VOPP1: variants seen among roughly 807,000 people sequenced by gnomAD.
VOPP1 encodes VOPP1 WW domain binding protein, also known as WW domain binding protein VOPP1.
A neutral mutation model predicts 23.5 loss-of-function variants in VOPP1; 8 were observed. The ratio of observed to expected loss-of-function variants is 0.34; its 90% CI spans 0.20 to 0.61. The LOEUF is 0.61. VOPP1 is among the 20% of genes least tolerant of loss of function. VOPP1 has a pLI of 0.78. For synonymous variants in VOPP1, 83 were observed against 97.3 expected, an observed-to-expected ratio of 0.85 and a Z score of 0.86; for missense variants, 174 against 238.1, an observed-to-expected ratio of 0.73 and a Z score of 1.77.
At chr7:55,462,070 T>C (rs1483017929) in intron 4 of VOPP1, among the ~76,000 whole-genome samples, 1 of 152,222 alleles carries the variant, frequency 6.6e-6, no homozygotes, top group Admixed American at 6.5e-5. Flanking sequence ...GGAAAGACTT[T>C]ATTACTCTTT....
chr7:55,475,472 C>A (rs1792169696), intron 4 of VOPP1, among the ~76,000 whole-genome samples: 1 of 152,142 alleles, frequency 6.6e-6, no homozygotes, highest in Admixed American at 6.5e-5. Flanking sequence ...AACAGGAGAA[C>A]TGACCAAAAG....
chr7:55,442,309 T>C (rs1157105200), intron 4 of VOPP1, among the ~76,000 whole-genome samples: 1 of 152,056 alleles, frequency 6.6e-6, no homozygotes, highest in African/African-American at 2.4e-5. Context: ...TAATCTACAT[T>C]CTCCGAAGGG....
chr7:55,493,985 A>T (rs1353380616), intron 3 of VOPP1, among the ~76,000 whole-genome samples: 1 of 152,122 alleles, frequency 6.6e-6, no homozygotes. Flanking sequence ...CTGAAGAATG[A>T]GAAGAGACAA....
chr7:55,557,489 C>A (rs1050240381), intron 1 of VOPP1, among the ~76,000 whole-genome samples: 32 of 151,354 alleles, frequency 2.1e-4, no homozygotes, highest in Non-Finnish European at 3.4e-4. Flanking sequence ...CTTAAAAAAA[C>A]CCCATATGCT....
rs776680022 is a variant in VOPP1, at chr7:55,472,893, G to A, written c.481C>T (p.Pro161Ser). Residue 161 changes from proline to serine, a missense_variant, in exon 5 of 5, where the codon CCT (proline) becomes TCT (serine). By Grantham distance (74) the Pro-to-Ser change is moderately conservative. Coordinates refer to ENST00000285279, the MANE Select transcript of VOPP1 (RefSeq NM_030796.5). ...ACTACCTGTTCGTACGGGGGCGGAG[G>A]CGTGTTGCAGTAGGCTGGAGGGGGC... ...CPPPPAYCNTPPPPYEQVVKA... is the reference protein window; with the variant it reads ...CPPPPAYCNTSPPPYEQVVKA... The A allele has an allele frequency of 6.8e-6, 10 of 1,476,132 alleles. No homozygotes were observed. Among genetic ancestry groups the A allele is most frequent in the Non-Finnish European group, 2.7e-6 (3 of 1,112,498 alleles). 91.4% of individuals were successfully genotyped at this position (1,476,132 alleles called of 1,614,324 possible).
intron 1 of VOPP1, among the ~76,000 whole-genome samples, chr7:55,563,410 T>C (rs1308618767): frequency 6.6e-6 from 1 of 152,210 alleles, no homozygotes; most frequent in Non-Finnish European, 1.5e-5. Context: ...GTTGAATTTT[T>C]AACAATGTTT....
chr7:55,544,814 A>C (rs979204940), intron 1 of VOPP1, among the ~76,000 whole-genome samples: 1 of 152,258 alleles, frequency 6.6e-6, no homozygotes, highest in African/African-American at 2.4e-5. Flanking sequence ...AAAATAAAAA[A>C]AGTTGTCCAA....
intron 1 of VOPP1, among the ~76,000 whole-genome samples, chr7:55,541,151 T>C (rs953839421): frequency 3.3e-5 from 5 of 152,342 alleles, no homozygotes; most frequent in African/African-American, 1.2e-4. Flanking sequence ...AGGGTTTCTT[T>C]GTGAGGTGAT....
chr7:55,506,069 A>G (rs1454586948), intron 2 of VOPP1, among the ~76,000 whole-genome samples: 1 of 152,184 alleles, frequency 6.6e-6, no homozygotes, highest in Non-Finnish European at 1.5e-5. Context: ...GACGCCTTCG[A>G]GAGGTCCCCA....
intron 1 of VOPP1, among the ~76,000 whole-genome samples, chr7:55,536,455 GGAGGCAGAGGTTGCAGT>G (rs1796796918): frequency 6.6e-6 from 1 of 152,140 alleles, no homozygotes; most frequent in Admixed American, 6.5e-5. Flanking sequence ...CTTGAACCCT[GGAGGCAGAGGTTGCAGT>G]GAGCCGAGAT....
At chr7:55,564,793 C>G (rs1331870610) in intron 1 of VOPP1, among the ~76,000 whole-genome samples, 1 of 152,136 alleles carries the variant, frequency 6.6e-6, no homozygotes, top group Non-Finnish European at 1.5e-5. Context: ...AGGGAATCTT[C>G]CAAAGGGCCT....
At chr7:55,458,217 G>A (rs113723595) in intron 4 of VOPP1, among the ~76,000 whole-genome samples, 1,828 of 152,226 alleles carry the variant, frequency 0.012, 13 homozygotes, top group Admixed American at 0.021. Flanking sequence ...CACCTTTGGT[G>A]AAAATCAGTT....
chr7:55,497,743 C>G, intron 2 of VOPP1, 53 bp from the exon 3 acceptor site: 1 of 1,534,378 alleles, frequency 6.5e-7, no homozygotes, highest in Non-Finnish European at 9.0e-7. Flanking sequence ...AGCCACCGGA[C>G]CAGCCATGCG....
intron 1 of VOPP1, chr7:55,530,686 C>A (rs1254866033): frequency 6.6e-6 from 1 of 152,192 alleles, no homozygotes; most frequent in Non-Finnish European, 1.5e-5. Context: ...GTGCATGGAA[C>A]AGGAATGAGA....
intron 4 of VOPP1, among the ~76,000 whole-genome samples, chr7:55,489,871 G>C (rs1000164979): frequency 6.6e-6 from 1 of 152,186 alleles, no homozygotes; most frequent in African/African-American, 2.4e-5. Flanking sequence ...AGCTGGTAAA[G>C]CCCCTGGCAG....
intron 2 of VOPP1, among the ~76,000 whole-genome samples, chr7:55,499,516 G>C (rs927714496): frequency 5.3e-5 from 8 of 152,212 alleles, no homozygotes; most frequent in African/African-American, 1.9e-4. Flanking sequence ...ACCCCTGCTG[G>C]GGAGGAGCTT....
At chr7:55,535,838 G>A (rs1028083648) in intron 1 of VOPP1, among the ~76,000 whole-genome samples, 7 of 152,250 alleles carry the variant, frequency 4.6e-5, no homozygotes, top group African/African-American at 1.7e-4. Flanking sequence ...ATCCCAGGAT[G>A]CAGTTGGGGC....
downstream of VOPP1, among the ~76,000 whole-genome samples, chr7:55,467,441 G>A (rs947761883): frequency 1.1e-4 from 17 of 152,272 alleles, no homozygotes; most frequent in African/African-American, 3.1e-4. Flanking sequence ...GCCTCAATGC[G>A]GAGCCTCTCT....
chr7:55,461,758 C>T (rs968731613), intron 4 of VOPP1, among the ~76,000 whole-genome samples: 3 of 152,178 alleles, frequency 2.0e-5, no homozygotes, highest in African/African-American at 7.2e-5. Context: ...AATCAGTTCC[C>T]ATTCAAGGTT....
Sources: gnomAD v4.1 joint callset for allele counts (sites outside exome capture counted in the v4.1 genomes callset) on GRCh38, gnomAD v4.1.1 for gene constraint, MANE v1.5 for transcripts, NCBI Gene and HGNC (gene_info 2026-07-23, HGNC 2026-07-21) for gene names.